Variants in IL1RAPL2 observed in about 807,000 individuals in gnomAD.
IL1RAPL2 encodes interleukin 1 receptor accessory protein like 2.
In IL1RAPL2, 3 loss-of-function variants were observed where a neutral mutation model predicts 44.1. The observed-to-expected ratio is 0.07, with a 90% CI of 0.03 to 0.18. IL1RAPL2 has a LOEUF of 0.18. Ranked by LOEUF, IL1RAPL2 falls within the 10% of genes least tolerant of loss-of-function variation. IL1RAPL2 has a pLI of 1.00. For missense variants in IL1RAPL2, 391 were observed against 496.4 expected, an observed-to-expected ratio of 0.79 and a Z score of 2.02; for synonymous variants, 181 against 178.8, an observed-to-expected ratio of 1.01 and a Z score of -0.10.
At chrX:105,153,209 C>T (rs757431195) in intron 2 of IL1RAPL2, among the ~76,000 whole-genome samples, 23 of 112,149 alleles carry the variant, frequency 2.1e-4, no homozygotes, top group South Asian at 7.4e-4. Context: ...GTAAAGGACA[C>T]CTTGTGAACT....
intron 3 of IL1RAPL2, among the ~76,000 whole-genome samples, chrX:105,200,776 G>T (rs1556145537): frequency 9.0e-6 from 1 of 110,907 alleles, no homozygotes; most frequent in Non-Finnish European, 1.9e-5. Flanking sequence ...GCTGGGCGTG[G>T]TGGTGCACAT....
chrX:104,948,722 A>T (rs1925470772), intron 2 of IL1RAPL2, among the ~76,000 whole-genome samples: 1 of 110,622 alleles, frequency 9.0e-6, no homozygotes, highest in Non-Finnish European at 1.9e-5. Flanking sequence ...GATTACGTTT[A>T]TTGATTTGTG....
At chrX:105,627,788 A>G (rs1486895465) in intron 6 of IL1RAPL2, among the ~76,000 whole-genome samples, 1 of 111,674 alleles carries the variant, frequency 9.0e-6, no homozygotes, top group Non-Finnish European at 1.9e-5. Flanking sequence ...GAATAGGCCC[A>G]AAGGTGTGCA....
intron 4 of IL1RAPL2, 78 bp downstream of exon 4, chrX:105,234,082 T>A (rs1370755031): frequency 5.2e-5 from 43 of 820,425 alleles, no homozygotes; most frequent in Non-Finnish European, 7.1e-5. Context: ...GAGATTTTTT[T>A]ACTAGTTTTT....
intron 2 of IL1RAPL2, among the ~76,000 whole-genome samples, chrX:104,895,772 A>C (rs1436287236): frequency 9.0e-6 from 1 of 111,671 alleles, no homozygotes; most frequent in Admixed American, 9.5e-5. Flanking sequence ...GCTCACACTC[A>C]GGTGACTGCA....
intron 5 of IL1RAPL2, among the ~76,000 whole-genome samples, chrX:105,301,189 T>G (rs2034694799): frequency 8.9e-6 from 1 of 111,994 alleles, no homozygotes; most frequent in Admixed American, 9.5e-5. Context: ...AGTCTTATTA[T>G]ATTTGGTTTG....
intron 6 of IL1RAPL2, among the ~76,000 whole-genome samples, chrX:105,633,807 A>C: frequency 9.0e-6 from 1 of 111,642 alleles, no homozygotes; most frequent in Non-Finnish European, 1.9e-5. Flanking sequence ...AGTGTGAATG[A>C]GAGGTAGATA....
chrX:104,967,322 A>C (rs761959361), intron 2 of IL1RAPL2, among the ~76,000 whole-genome samples: 408 of 111,659 alleles, frequency 3.7e-3, no homozygotes, highest in Non-Finnish European at 5.9e-3. Context: ...TCACAAGAGA[A>C]AATGTTCATA....
chrX:105,645,239 G>T (rs1024052057), intron 6 of IL1RAPL2, among the ~76,000 whole-genome samples: 1 of 111,220 alleles, frequency 9.0e-6, no homozygotes, highest in African/African-American at 3.3e-5. Context: ...CTCTTTGATT[G>T]TGTAGTTCAA....
At chrX:105,171,624 C>A (rs940938608) in intron 2 of IL1RAPL2, among the ~76,000 whole-genome samples, 8 of 108,111 alleles carry the variant, frequency 7.4e-5, no homozygotes, top group Non-Finnish European at 1.5e-4. Flanking sequence ...GAACATTGAT[C>A]TTAATATCCC....
intron 2 of IL1RAPL2, among the ~76,000 whole-genome samples, chrX:105,068,921 T>TA: frequency 8.9e-6 from 1 of 111,979 alleles, no homozygotes; most frequent in South Asian, 3.7e-4. Context: ...AGAAGTGCCT[T>TA]AAAAAATTGT....
In IL1RAPL2 at chrX:105,714,560, G is replaced by A. The variant is rs61501573; in HGVS notation, c.773-2807G>A. Among the ~76,000 whole-genome samples the A allele has an allele frequency of 5.7e-3, 643 of 112,010 alleles. 5 individuals are homozygous for A. The highest frequency in any genetic ancestry group is 0.02 in the African/African-American group (614 of 30,830). ...GAGAAGTCCAAGAGCATCAGCACCT[G>A]TTGGCATTAGGTGAGGGTCATCCCA... On this transcript the variant is annotated intron_variant, in intron 6 of 10. Transcript: ENST00000372582.
intron 2 of IL1RAPL2, among the ~76,000 whole-genome samples, chrX:105,068,192 A>T (rs767631238): frequency 1.1e-4 from 12 of 111,857 alleles, no homozygotes; most frequent in Non-Finnish European, 1.9e-4. Flanking sequence ...CAGGAATAAT[A>T]ATGATATGAT....
At chrX:105,751,729 A>G (rs1037717117) in intron 9 of IL1RAPL2, among the ~76,000 whole-genome samples, 2 of 111,940 alleles carry the variant, frequency 1.8e-5, no homozygotes, top group Non-Finnish European at 3.8e-5. Context: ...CTTTAAGTAT[A>G]TAACCTCTGT....
intron 6 of IL1RAPL2, among the ~76,000 whole-genome samples, chrX:105,619,836 AT>A (rs756631575): frequency 1.8e-5 from 2 of 110,887 alleles, no homozygotes; most frequent in South Asian, 3.8e-4. Flanking sequence ...TGTAGTGAAG[AT>A]TTTTTTTAGG....
chrX:105,705,257 T>C (rs182778614), intron 6 of IL1RAPL2, among the ~76,000 whole-genome samples: 4 of 110,597 alleles, frequency 3.6e-5, no homozygotes, highest in Non-Finnish European at 7.6e-5. Context: ...TCTGTACTAG[T>C]AGATATATAT....
intron 5 of IL1RAPL2, chrX:105,405,992 G>A (rs1384012104): frequency 1.7e-6 from 2 of 1,206,331 alleles, no homozygotes; most frequent in Non-Finnish European, 2.2e-6. Flanking sequence ...AGCCTCCTGA[G>A]GGATTGTTAG....
chrX:105,176,475 A>G (rs1193981483), intron 2 of IL1RAPL2, among the ~76,000 whole-genome samples: 2 of 110,476 alleles, frequency 1.8e-5, no homozygotes, highest in Non-Finnish European at 3.8e-5. Context: ...GCATGCCCCC[A>G]GTCCTGGCCC....
At chrX:105,429,224 A>C (rs1230740231) in intron 5 of IL1RAPL2, among the ~76,000 whole-genome samples, 1 of 111,754 alleles carries the variant, frequency 8.9e-6, no homozygotes, top group African/African-American at 3.2e-5. Context: ...ATTAGCTTCA[A>C]GTTCTTAATA....
Sources: gnomAD v4.1 joint callset for allele counts (sites outside exome capture counted in the v4.1 genomes callset) on GRCh38, gnomAD v4.1.1 for gene constraint, MANE v1.5 for transcripts, NCBI Gene and HGNC (gene_info 2026-07-23, HGNC 2026-07-21) for gene names.